GALNTL6: variants seen among roughly 807,000 people sequenced by gnomAD.
GALNTL6 encodes the protein polypeptide N-acetylgalactosaminyltransferase-like 6.
GALNTL6 carries 46 observed loss-of-function variants against 73.7 expected under a neutral mutation model. The observed-to-expected ratio is 0.62, with a 90% confidence interval of 0.49 to 0.80. The LOEUF (loss-of-function observed/expected upper bound fraction) is 0.80, where lower values mean the gene tolerates loss of function less well. Among genes scored for constraint, GALNTL6 ranks in the 30% least tolerant of loss-of-function variants. GALNTL6 has a pLI of 0.00. For missense variants in GALNTL6, 604 were observed against 755.0 expected, an observed-to-expected ratio of 0.80 and a Z score of 2.34; for synonymous variants, 259 against 263.7, an observed-to-expected ratio of 0.98 and a Z score of 0.17.
At chr4:171,856,277 ATTT>A (rs35607036) in intron 2 of GALNTL6, among the ~76,000 whole-genome samples, 79,577 of 145,276 alleles carry the variant, frequency 0.55, 24,208 homozygotes, top group Non-Finnish European at 0.69. Flanking sequence ...TACTTTTTGT[ATTT>A]TTTTTTTTTT....
chr4:172,438,070 G>GT (rs1247872198), intron 5 of GALNTL6, among the ~76,000 whole-genome samples: 2 of 152,060 alleles, frequency 1.3e-5, no homozygotes, highest in African/African-American at 4.8e-5. Context: ...TAATTGTGGT[G>GT]TTTTTTGGCC....
chr4:172,699,823 A>C (rs1220694582), intron 5 of GALNTL6, among the ~76,000 whole-genome samples: 1 of 152,156 alleles, frequency 6.6e-6, no homozygotes, highest in Non-Finnish European at 1.5e-5. Context: ...GAAAAAGAAA[A>C]TAATTTTTTT....
chr4:171,956,710 T>C (rs562754580), intron 2 of GALNTL6, among the ~76,000 whole-genome samples: 1 of 152,228 alleles, frequency 6.6e-6, no homozygotes, highest in East Asian at 1.9e-4. Context: ...TAAATATGCA[T>C]TGACTTTATT....
chr4:172,210,316 G>A (rs1383046334), intron 2 of GALNTL6, among the ~76,000 whole-genome samples: 11 of 151,936 alleles, frequency 7.2e-5, no homozygotes, highest in Admixed American at 3.9e-4. Flanking sequence ...CTCAACTAAA[G>A]TCTGTAGTAT....
At chr4:172,378,481 A>T (rs1743135478) in intron 5 of GALNTL6, among the ~76,000 whole-genome samples, 1 of 152,238 alleles carries the variant, frequency 6.6e-6, no homozygotes, top group South Asian at 2.1e-4. Context: ...TTGTGTATTT[A>T]TCTTAAAAAT....
At chr4:172,608,960 T>C (rs937679273) in intron 5 of GALNTL6, among the ~76,000 whole-genome samples, 1 of 152,030 alleles carries the variant, frequency 6.6e-6, no homozygotes, top group Non-Finnish European at 1.5e-5. Context: ...GCTACTAATT[T>C]TTGTATGTTA....
At position 171,958,191 on chromosome 4, in the gene GALNTL6, C is replaced by A. The variant is rs1308249908; in HGVS notation, c.138+143473C>A. ...GGTAATAATTGAACTTCACTAAAAT[C>A]TCTGATACACCCAAGTCTGATTTGA... On this transcript the variant is annotated intron_variant, in intron 2 of 12. Transcript: ENST00000506823. Among the ~76,000 whole-genome samples, 3 of 152,244 alleles carry A rather than the reference C, an allele frequency of 2.0e-5. No individual in the cohort carries two copies. In the East Asian group the frequency reaches 5.8e-4, roughly 29 times the overall value.
chr4:172,687,123 T>G (rs953626780), intron 5 of GALNTL6, among the ~76,000 whole-genome samples: 1 of 152,144 alleles, frequency 6.6e-6, no homozygotes, highest in Non-Finnish European at 1.5e-5. Flanking sequence ...TAAATGTAAT[T>G]TTTTTCCTAC....
At chr4:172,707,943 C>A (rs762055690) in intron 5 of GALNTL6, among the ~76,000 whole-genome samples, 6 of 152,078 alleles carry the variant, frequency 3.9e-5, no homozygotes, top group East Asian at 1.9e-4. Flanking sequence ...TTGGGGAGAG[C>A]CAAAGCCAAG....
chr4:172,534,940 G>A (rs1735294507), intron 5 of GALNTL6, among the ~76,000 whole-genome samples: 1 of 152,148 alleles, frequency 6.6e-6, no homozygotes. Context: ...ACACTTAATA[G>A]ATGAAGAAAT....
At chr4:172,830,172 T>C (rs534188301) in intron 7 of GALNTL6, among the ~76,000 whole-genome samples, 3 of 152,234 alleles carry the variant, frequency 2.0e-5, no homozygotes, top group Admixed American at 6.5e-5. Context: ...TTCCTAAAGA[T>C]GCTCTTTTGT....
chr4:171,930,716 G>C (rs1738156012), intron 2 of GALNTL6, among the ~76,000 whole-genome samples: 1 of 152,066 alleles, frequency 6.6e-6, no homozygotes, highest in African/African-American at 2.4e-5. Context: ...GGCTCCTGTA[G>C]TCCCAGCTAC....
intron 5 of GALNTL6, among the ~76,000 whole-genome samples, chr4:172,462,896 A>G (rs539016012): frequency 5.4e-4 from 82 of 152,330 alleles, no homozygotes; most frequent in African/African-American, 1.9e-3. Context: ...CAAGCACCTT[A>G]AACAAGACAA....
At chr4:172,456,818 C>CT (rs1732415901) in intron 5 of GALNTL6, among the ~76,000 whole-genome samples, 3 of 152,058 alleles carry the variant, frequency 2.0e-5, no homozygotes, top group Non-Finnish European at 4.4e-5. Flanking sequence ...CTTAGCAAGG[C>CT]AGGCCAACAT....
chr4:172,295,462 G>C (rs1739635194), intron 3 of GALNTL6, among the ~76,000 whole-genome samples: 1 of 144,616 alleles, frequency 6.9e-6, no homozygotes, highest in Admixed American at 6.9e-5. Context: ...TTGAGACTGA[G>C]TATTATTAAC....
chr4:172,597,183 A>T (rs754528460), intron 5 of GALNTL6, among the ~76,000 whole-genome samples: 1 of 152,186 alleles, frequency 6.6e-6, no homozygotes, highest in Non-Finnish European at 1.5e-5. Context: ...AGCTGGAGTC[A>T]CAAAACTAAT....
At chr4:172,722,512 CTCTT>C (rs1735540041) in intron 5 of GALNTL6, among the ~76,000 whole-genome samples, 1 of 152,116 alleles carries the variant, frequency 6.6e-6, no homozygotes, top group Non-Finnish European at 1.5e-5. Flanking sequence ...GTCTCCCTCT[CTCTT>C]TCTCTACCTC....
At chr4:172,040,645 C>T (rs924779553) in intron 2 of GALNTL6, among the ~76,000 whole-genome samples, 7 of 151,962 alleles carry the variant, frequency 4.6e-5, no homozygotes, top group East Asian at 3.9e-4. Context: ...TTAATTCTTA[C>T]GATGACGCTT....
intron 5 of GALNTL6, among the ~76,000 whole-genome samples, chr4:172,766,656 T>C (rs1164027933): frequency 1.3e-5 from 2 of 152,220 alleles, no homozygotes; most frequent in African/African-American, 4.8e-5. Flanking sequence ...CCTTCACCTG[T>C]CCTTCCAAAT....
Sources: allele counts gnomAD v4.1 joint callset (sites outside exome capture counted in the v4.1 genomes callset), GRCh38; gene constraint gnomAD v4.1.1; transcripts MANE v1.5; gene names NCBI Gene and HGNC (gene_info 2026-07-23, HGNC 2026-07-21).